Variants in AATK observed in about 807,000 individuals in gnomAD.
AATK encodes serine/threonine-protein kinase LMTK1.
In AATK, 91 loss-of-function variants were observed where a neutral mutation model predicts 114.3. The ratio of observed to expected loss-of-function variants is 0.80; its 90% CI spans 0.67 to 0.95. The LOEUF (loss-of-function observed/expected upper bound fraction) is 0.95. AATK is among the 40% of genes least tolerant of loss of function. AATK has a pLI of 0.00. For missense variants in AATK, 2,176 were observed against 1,965.2 expected (o/e 1.11, Z -2.03); for synonymous variants, 1,075 against 916.5 (o/e 1.17, Z -3.12).
In AATK at chr17:81,134,327, T is replaced by C. The variant is rs376617484; in HGVS notation, c.189+41A>G. On this transcript the variant is annotated intron_variant, in intron 2 of 13. Transcript: ENST00000326724. The stretch of plus-strand genomic sequence containing the variant: ...TCAAGTGGACGCTACAGGCCTTGCC[T>C]GCGGGATCCCACGACAGCTCCCGCG... The C allele has an allele frequency of 5.2e-5, 83 of 1,610,086 alleles. No individual in the cohort carries two copies. In the African/African-American group the frequency reaches 8.0e-4, roughly 16 times the overall value.
chr17:81,128,365 A>G, intron 4 of AATK, 105 bp downstream of exon 4: 1 of 1,373,462 alleles, frequency 7.3e-7, no homozygotes, highest in Non-Finnish European at 1.0e-6. Flanking sequence ...GAGACTGAAG[A>G]AGGGACCGTC....
At chr17:81,154,466 GCC>G (rs2061337263) in intron 1 of AATK, among the ~76,000 whole-genome samples, 1 of 138,342 alleles carries the variant, frequency 7.2e-6, no homozygotes, top group South Asian at 2.3e-4. Context: ...GATTACAGGC[GCC>G]CACCACCATG....
intron 1 of AATK, 32 bp from the exon 2 acceptor site, chr17:81,134,533 T>A (rs772212077): frequency 2.9e-5 from 46 of 1,600,478 alleles, no homozygotes; most frequent in Admixed American, 2.4e-4. Flanking sequence ...AGAGTGGCCA[T>A]GGCTGAGGGC....
Position 81,128,803 on chromosome 17 carries a change from T to C in AATK, c.335-254A>G, listed in dbSNP as rs73367965. The stretch of plus-strand genomic sequence containing the variant: ...TCTGGGTAGGTCTGGAGAAGGTGCC[T>C]GAAGCCACTGGGATAGCCCGGCCAG... On this transcript the variant is annotated intron_variant, in intron 3 of 13. Coordinates refer to ENST00000326724, the MANE Select transcript of AATK (RefSeq NM_001080395.3). 1,875 of 1,281,690 alleles carry C rather than the reference T, an allele frequency of 1.5e-3. 26 individuals carry two copies. In the African/African-American group the frequency reaches 0.025, roughly 17 times the overall value. The allele number at this position is 1,281,690 out of a possible 1,614,324, so 79.4% of individuals were successfully genotyped here.
At chr17:81,160,725 C>T (rs527294917) in intron 1 of AATK, among the ~76,000 whole-genome samples, 6 of 152,344 alleles carry the variant, frequency 3.9e-5, no homozygotes, top group African/African-American at 1.2e-4. Flanking sequence ...CAGGAGTGGT[C>T]GAGTGGGCCT....
At position 81,145,639 on chromosome 17, in the gene AATK, A is replaced by G. The variant is rs575192554; in HGVS notation, c.56-11138T>C. 2.3e-3 allele frequency among the ~76,000 whole-genome samples: 341 copies of G among 151,368 alleles called. 3 individuals carry two copies. The highest frequency in any genetic ancestry group is 7.4e-3 in the South Asian group (35 of 4,754). The stretch of plus-strand genomic sequence containing the variant: ...TCCTAGCTACTCGGGAGGCTGAGAC[A>G]GGAGAATTGCTTGAACCTGGGAGGC... On this transcript the variant is annotated intron_variant, in intron 1 of 13. Coordinates refer to ENST00000326724, the MANE Select transcript of AATK (RefSeq NM_001080395.3).
In AATK at chr17:81,118,197, GC is replaced by G. The variant is rs2060591946; in HGVS notation, c.*204del. 1 of 584,916 alleles carries G rather than the reference GC, an allele frequency of 1.7e-6. No homozygotes were observed. The highest frequency in any genetic ancestry group is 2.2e-5 in the South Asian group (1 of 46,022). The allele number at this position is 584,916 out of a possible 1,614,324, so 36.2% of individuals were successfully genotyped here. ...AAGCCTAAAAGCCCAGACGAATTCT[GC>G]CTCTGGGGCGGAGCATGGCCGATCT... On this transcript the variant is annotated 3_prime_UTR_variant, in exon 14 of 14. Transcript: ENST00000326724.
rs561592671 is a variant in AATK, at chr17:81,131,124, C to T, written c.271G>A (p.Asp91Asn). 206 of 1,564,190 alleles carry T rather than the reference C, an allele frequency of 1.3e-4. 1 individual carries two copies. The South Asian group carries it at 2.2e-3, about 16-fold the overall frequency. ...SPATAAQNGP[D>N]VYVLPLTEVS... The stretch of plus-strand genomic sequence containing the variant: ...TCCGTGAGTGGCAGGACGTACACGT[C>T]GGGCCCGTTCTGTGCTGCCGTGGCC... Residue 91 changes from aspartate (D) to asparagine (N), a missense_variant, in exon 3 of 14, where the codon GAC (aspartate) becomes AAC (asparagine). By Grantham distance (23) the Asp-to-Asn change is conservative. This residue lies in a region of AATK where 178 missense variants were observed against 175.4 expected (regional missense o/e 1.01). Transcript: ENST00000326724.
chr17:81,121,607 G>A lies in AATK; in HGVS notation c.2329C>T (p.Gln777Ter). The change falls in exon 11 of 14, where the codon CAG becomes TAG. Residue 777 changes from glutamine (Q) to a stop codon, truncating the protein, a stop_gained. Transcript: ENST00000326724. LOFTEE classifies it high-confidence loss of function. ...TCCGTGGCAAGCTTGGGCTCTGCCT[G>A]CGGGTGGTCACCCCCACTACTGGCT... The part of the protein sequence containing the change: ...ETASSGGDHP[Q>*]AEPKLATEAE... The A allele has an allele frequency of 6.7e-7, 1 of 1,497,118 alleles. No homozygotes were observed. The highest frequency in any genetic ancestry group is 8.9e-7 in the Non-Finnish European group (1 of 1,125,032). The allele number at this position is 1,497,118 out of a possible 1,614,324, so 92.7% of individuals were successfully genotyped here. A position where few individuals can be genotyped will look rare whatever the true frequency, so the allele number is the denominator to read the frequency against.
At chr17:81,123,888 C>G (rs1474381048) in intron 9 of AATK, among the ~76,000 whole-genome samples, 4 of 152,184 alleles carry the variant, frequency 2.6e-5, no homozygotes, top group African/African-American at 9.7e-5. Context: ...ACTTTGGTCC[C>G]TGGCTGTCCC....
In AATK at chr17:81,120,208, A is replaced by C. The variant is rs775203891; in HGVS notation, c.3728T>G (p.Phe1243Cys). 6.4e-7 allele frequency: 1 copy of C among 1,572,318 alleles called. No homozygotes were observed. Among genetic ancestry groups the C allele is most frequent in the Admixed American group, 1.7e-5 (1 of 57,260 alleles). ...CGGGTGGCGGCGGCCCACCTGGTCAAAGAGGTAGACGGTGACGTCGTCGAA... is the reference window on the plus strand; with the variant it reads ...CGGGTGGCGGCGGCCCACCTGGTCACAGAGGTAGACGGTGACGTCGTCGAA... ...SFFDDVTVYL[F>C]DQESPTRELG... The change falls in exon 11 of 14, where the codon TTT (phenylalanine) becomes TGT (cysteine). Residue 1243 changes from phenylalanine to cysteine, a missense_variant. By Grantham distance (205) the Phe-to-Cys change is radical. This residue lies in a region of AATK where 1,701 missense variants were observed against 1,394.7 expected (regional missense o/e 1.22). Coordinates refer to ENST00000326724, the MANE Select transcript of AATK (RefSeq NM_001080395.3).
intron 1 of AATK, among the ~76,000 whole-genome samples, chr17:81,155,440 T>A (rs2061349669): frequency 6.6e-6 from 1 of 152,052 alleles, no homozygotes; most frequent in Admixed American, 6.6e-5. Flanking sequence ...CAAGTTGGAG[T>A]GCAGTGCGTG....
intron 1 of AATK, among the ~76,000 whole-genome samples, chr17:81,138,254 CAGAG>C (rs199590886): frequency 3.3e-4 from 46 of 139,836 alleles, no homozygotes; most frequent in Non-Finnish European, 6.2e-4. Context: ...CACACATGCA[CAGAG>C]ACATACCCAC....
chr17:81,160,937 C>T lies in AATK; in HGVS notation c.55+5001G>A, dbSNP rs958589239. On this transcript the variant is annotated intron_variant, in intron 1 of 13. Transcript: ENST00000326724. ...CCTCCCCCGTGGACCGAGGAGGAGG[C>T]AGAGGATGCCACGCAGCTGTGGCCC... is the stretch of plus-strand genomic sequence containing the variant. Among the ~76,000 whole-genome samples, 6 of 152,340 alleles carry T rather than the reference C, an allele frequency of 3.9e-5. No individual in the cohort carries two copies. The South Asian group carries it at 6.2e-4, about 16-fold the overall frequency.
At chr17:81,135,614 G>A (rs2060997982) in intron 1 of AATK, among the ~76,000 whole-genome samples, 1 of 152,198 alleles carries the variant, frequency 6.6e-6, no homozygotes, top group African/African-American at 2.4e-5. Flanking sequence ...CAGGGTCAGT[G>A]TGGGCAGGGC....
rs1259331556 is a variant in AATK, at chr17:81,123,405, G to A, written c.963-62C>T. On this transcript the variant is annotated intron_variant, in intron 9 of 13. Transcript: ENST00000326724. ...GCCTGCCACAGCAAGGACCGCGCAG[G>A]ATCCCCGGGGCGCCGAATGGGGCAG... is the stretch of plus-strand genomic sequence containing the variant. 13 of 1,298,066 alleles carry A rather than the reference G, an allele frequency of 1.0e-5. No individual in the cohort carries two copies. The East Asian group carries it at 3.5e-4, about 34-fold the overall frequency. 80.4% of individuals were successfully genotyped at this position (1,298,066 alleles called of 1,614,324 possible).
At chr17:81,124,638 G>T in intron 9 of AATK, 89 bp downstream of exon 9, 1 of 1,561,962 alleles carries the variant, frequency 6.4e-7, no homozygotes. Context: ...GCAGCCCCCT[G>T]ACCTCACTAC....
intron 1 of AATK, among the ~76,000 whole-genome samples, chr17:81,165,086 C>T (rs1206463304): frequency 6.6e-6 from 1 of 152,236 alleles, no homozygotes; most frequent in Non-Finnish European, 1.5e-5. Flanking sequence ...GTGGGTGGGA[C>T]TTGGCCCTGG....
At chr17:81,155,995 T>C (rs1417367253) in intron 1 of AATK, among the ~76,000 whole-genome samples, 1 of 152,210 alleles carries the variant, frequency 6.6e-6, no homozygotes, top group Non-Finnish European at 1.5e-5. Flanking sequence ...GCACAGTTCA[T>C]CTGCTCATAA....
Sources: allele counts gnomAD v4.1 joint callset (sites outside exome capture counted in the v4.1 genomes callset), GRCh38; gene constraint gnomAD v4.1.1; regional missense constraint gnomAD v4.1.1; transcripts MANE v1.5; gene names NCBI Gene and HGNC (gene_info 2026-07-23, HGNC 2026-07-21).